SGCZ: variants seen among roughly 807,000 people sequenced by gnomAD.
SGCZ encodes the protein zeta-sarcoglycan.
A neutral mutation model predicts 41.3 loss-of-function variants in SGCZ; 40 were observed. The observed-to-expected ratio is 0.97, with a 90% CI of 0.75 to 1.26. The LOEUF is 1.26. Among genes scored for constraint, SGCZ ranks in the 50% most tolerant of loss-of-function variants. The pLI, the probability that SGCZ is intolerant of heterozygous loss-of-function variation, is 0.00. For missense variants in SGCZ, 552 were observed against 369.8 expected (o/e 1.49, Z -4.04); for synonymous variants, 206 against 137.5 (o/e 1.50, Z -3.49).
chr8:14,254,623 C>G (rs558565691), intron 3 of SGCZ, among the ~76,000 whole-genome samples: 1 of 152,190 alleles, frequency 6.6e-6, no homozygotes, highest in Non-Finnish European at 1.5e-5. Context: ...AATTTGATAT[C>G]TGATTTACAT....
intron 1 of SGCZ, among the ~76,000 whole-genome samples, chr8:15,165,715 G>T (rs559322722): frequency 1.3e-5 from 2 of 152,196 alleles, no homozygotes; most frequent in African/African-American, 4.8e-5. Context: ...TTATAAGAAG[G>T]TATGGAAATG....
chr8:15,126,235 G>A (rs889477516), intron 1 of SGCZ, among the ~76,000 whole-genome samples: 4 of 152,100 alleles, frequency 2.6e-5, no homozygotes, highest in African/African-American at 4.8e-5. Context: ...GATTAATGCT[G>A]TATTTTTTAA....
intron 1 of SGCZ, among the ~76,000 whole-genome samples, chr8:15,192,777 G>C (rs1318443608): frequency 6.6e-6 from 1 of 152,014 alleles, no homozygotes; most frequent in African/African-American, 2.4e-5. Context: ...AGAGAATTTT[G>C]AGCTGCTTTG....
chr8:14,571,073 G>T (rs1225257128), intron 1 of SGCZ, among the ~76,000 whole-genome samples: 4 of 152,140 alleles, frequency 2.6e-5, no homozygotes, highest in African/African-American at 9.7e-5. Flanking sequence ...AAGGAAAGAG[G>T]TTTGACTCTC....
intron 1 of SGCZ, among the ~76,000 whole-genome samples, chr8:15,032,382 T>C (rs542620240): frequency 2.6e-5 from 4 of 152,234 alleles, no homozygotes; most frequent in South Asian, 2.1e-4. Flanking sequence ...CTACATACCA[T>C]GGTGTTATAT....
At chr8:15,054,432 A>T (rs573219071) in intron 1 of SGCZ, among the ~76,000 whole-genome samples, 1 of 152,232 alleles carries the variant, frequency 6.6e-6, no homozygotes, top group African/African-American at 2.4e-5. Context: ...CACACCACAC[A>T]GGTAAGTACC....
chr8:14,892,103 T>C (rs1298729711), intron 1 of SGCZ, among the ~76,000 whole-genome samples: 1 of 152,150 alleles, frequency 6.6e-6, no homozygotes. Flanking sequence ...CAATCACAAT[T>C]TATTACGTAT....
chr8:14,564,379 C>T (rs1804295637), intron 1 of SGCZ, among the ~76,000 whole-genome samples: 1 of 152,270 alleles, frequency 6.6e-6, no homozygotes, highest in East Asian at 1.9e-4. Context: ...AGGAATGCGA[C>T]ACAATAGTTT....
chr8:15,151,860 C>T (rs1299434288), intron 1 of SGCZ, among the ~76,000 whole-genome samples: 1 of 152,152 alleles, frequency 6.6e-6, no homozygotes, highest in Non-Finnish European at 1.5e-5. Flanking sequence ...CTGGCTTTTT[C>T]ATCTTCAGAG....
chr8:14,463,911 G>C (rs1800974220), intron 2 of SGCZ, among the ~76,000 whole-genome samples: 1 of 144,354 alleles, frequency 6.9e-6, no homozygotes, highest in Admixed American at 6.7e-5. Flanking sequence ...CTCTTTAGGT[G>C]GTGTGTTACC....
At chr8:14,995,565 A>G (rs1802188117) in intron 1 of SGCZ, among the ~76,000 whole-genome samples, 1 of 152,194 alleles carries the variant, frequency 6.6e-6, no homozygotes, top group Admixed American at 6.5e-5. Flanking sequence ...GTTCATCCAA[A>G]TGGGAAACTG....
chr8:14,348,545 T>G (rs967588342), intron 2 of SGCZ, among the ~76,000 whole-genome samples: 1 of 152,154 alleles, frequency 6.6e-6, no homozygotes, highest in African/African-American at 2.4e-5. Context: ...AAATTATATC[T>G]TGTTCATCAA....
At chr8:15,132,138 A>C (rs1209630621) in intron 1 of SGCZ, among the ~76,000 whole-genome samples, 3 of 152,184 alleles carry the variant, frequency 2.0e-5, no homozygotes, top group African/African-American at 7.2e-5. Context: ...TTGTCTTGCT[A>C]TTATTTTTTT....
At chr8:14,275,756 G>A (rs966456480) in intron 3 of SGCZ, among the ~76,000 whole-genome samples, 1 of 152,112 alleles carries the variant, frequency 6.6e-6, no homozygotes, top group Admixed American at 6.5e-5. Flanking sequence ...GATCTTTTGT[G>A]CAATGGAATC....
At chr8:15,134,540 A>G (rs1808040283) in intron 1 of SGCZ, among the ~76,000 whole-genome samples, 1 of 152,140 alleles carries the variant, frequency 6.6e-6, no homozygotes, top group Admixed American at 6.5e-5. Context: ...AATCCTTTCA[A>G]TTTTAGGATA....
intron 2 of SGCZ, among the ~76,000 whole-genome samples, chr8:14,363,322 C>T (rs1443058025): frequency 6.6e-6 from 1 of 152,094 alleles, no homozygotes; most frequent in African/African-American, 2.4e-5. Flanking sequence ...GGGGAAAATA[C>T]TGACTTTCAG....
intron 1 of SGCZ, among the ~76,000 whole-genome samples, chr8:14,642,056 C>CTA (rs1807042869): frequency 6.6e-6 from 1 of 151,536 alleles, no homozygotes; most frequent in African/African-American, 2.4e-5. Flanking sequence ...ACCAATGGAT[C>CTA]ATTAGTTTGT....
chr8:14,231,514 T>A (rs1806571194), intron 4 of SGCZ, among the ~76,000 whole-genome samples: 1 of 152,012 alleles, frequency 6.6e-6, no homozygotes, highest in Non-Finnish European at 1.5e-5. Context: ...TTAAAGTGTA[T>A]TTAAAAGACA....
chr8:14,469,210 T>A (rs571130887), intron 2 of SGCZ, among the ~76,000 whole-genome samples: 47 of 152,276 alleles, frequency 3.1e-4, no homozygotes, highest in African/African-American at 1.1e-3. Context: ...AATTTCACCA[T>A]CTTACTACTA....
Sources: allele counts gnomAD v4.1 joint callset (sites outside exome capture counted in the v4.1 genomes callset), GRCh38; gene constraint gnomAD v4.1.1; transcripts MANE v1.5; gene names NCBI Gene and HGNC (gene_info 2026-07-23, HGNC 2026-07-21).